Variants in SFMBT2 observed in about 807,000 individuals in gnomAD.
SFMBT2 encodes Scm like with four mbt domains 2.
In SFMBT2, 38 loss-of-function variants were observed where a neutral mutation model predicts 110.1. The ratio of observed to expected loss-of-function variants is 0.35; its 90% CI spans 0.27 to 0.45. The LOEUF is 0.45. Ranked by LOEUF, SFMBT2 falls within the 20% of genes least tolerant of loss-of-function variation. SFMBT2 has a pLI of 1.00. For synonymous variants in SFMBT2, 425 were observed against 425.4 expected, an observed-to-expected ratio of 1.00 and a Z score of 0.01; for missense variants, 1,011 against 1,094.9, an observed-to-expected ratio of 0.92 and a Z score of 1.08.
intron 1 of SFMBT2, among the ~76,000 whole-genome samples, chr10:7,397,788 T>G (rs1845967643): frequency 6.6e-6 from 1 of 152,240 alleles, no homozygotes; most frequent in Admixed American, 6.5e-5. Context: ...CCAAGCACTA[T>G]TATCAACGCG....
intron 1 of SFMBT2, among the ~76,000 whole-genome samples, chr10:7,387,315 C>T (rs1845635096): frequency 6.6e-6 from 1 of 152,088 alleles, no homozygotes; most frequent in Non-Finnish European, 1.5e-5. Flanking sequence ...GTGCTGATAC[C>T]ATGCAGTTTT....
At chr10:7,385,799 A>G (rs1006741758) in intron 1 of SFMBT2, among the ~76,000 whole-genome samples, 1 of 152,082 alleles carries the variant, frequency 6.6e-6, no homozygotes, top group African/African-American at 2.4e-5. Flanking sequence ...GGAGATCAAG[A>G]CCATCCTGGC....
At chr10:7,193,182 G>A (rs112152450) in intron 15 of SFMBT2, among the ~76,000 whole-genome samples, 77 of 152,098 alleles carry the variant, frequency 5.1e-4, no homozygotes, top group Non-Finnish European at 9.7e-4. Context: ...CTGCCAAAAA[G>A]CAGCACACAG....
At chr10:7,348,845 T>A (rs1052273561) in intron 4 of SFMBT2, among the ~76,000 whole-genome samples, 2 of 152,246 alleles carry the variant, frequency 1.3e-5, no homozygotes, top group African/African-American at 4.8e-5. Flanking sequence ...TTTCCGTGAA[T>A]GGCAGGGAAC....
At chr10:7,332,359 G>A (rs942511314) in intron 4 of SFMBT2, among the ~76,000 whole-genome samples, 1 of 152,264 alleles carries the variant, frequency 6.6e-6, no homozygotes, top group South Asian at 2.1e-4. Context: ...CTCACCCAAG[G>A]CTTGACATAA....
chr10:7,359,868 C>T (rs1473501676), intron 4 of SFMBT2, among the ~76,000 whole-genome samples: 1 of 152,192 alleles, frequency 6.6e-6, no homozygotes, highest in Non-Finnish European at 1.5e-5. Flanking sequence ...ATGATATAAT[C>T]TAATCAATAA....
intron 4 of SFMBT2, among the ~76,000 whole-genome samples, chr10:7,288,271 C>A (rs568378678): frequency 6.6e-6 from 1 of 152,322 alleles, no homozygotes; most frequent in African/African-American, 2.4e-5. Context: ...ATGCACGGAA[C>A]TCAGGCAAAC....
chr10:7,213,469 G>A (rs922353517), intron 11 of SFMBT2, among the ~76,000 whole-genome samples: 2 of 152,050 alleles, frequency 1.3e-5, no homozygotes, highest in African/African-American at 2.4e-5. Flanking sequence ...GGTTGTGGGG[G>A]TGGTGGTGGG....
At chr10:7,406,465 T>TA (rs76194396) in intron 1 of SFMBT2, among the ~76,000 whole-genome samples, 2,923 of 120,058 alleles carry the variant, frequency 0.024, 41 homozygotes, top group Non-Finnish European at 0.034. Context: ...GGGCAGTGGT[T>TA]AAAAAAAAAA....
At position 7,377,370 on chromosome 10, in the gene SFMBT2, T is replaced by C. The variant is rs1845267314; in HGVS notation, c.100+4429A>G. On this transcript the variant is annotated intron_variant, in intron 2 of 20. Coordinates refer to ENST00000397167, the MANE Select transcript of SFMBT2 (RefSeq NM_001387889.1). ...GGAAGACAATTAGGCACCGGTTTTG[T>C]AGAAGACAATTTTTCCACAGATACA... 2.6e-5 allele frequency among the ~76,000 whole-genome samples: 4 copies of C among 152,312 alleles called. No individual in the cohort carries two copies. The South Asian group carries it at 6.2e-4, about 24-fold the overall frequency.
intron 7 of SFMBT2, among the ~76,000 whole-genome samples, chr10:7,262,957 G>A (rs569982235): frequency 6.6e-6 from 1 of 152,218 alleles, no homozygotes; most frequent in South Asian, 2.1e-4. Flanking sequence ...GGTATTCAAC[G>A]AACTGGACTT....
chr10:7,394,976 G>A (rs1845882419), intron 1 of SFMBT2, among the ~76,000 whole-genome samples: 1 of 152,122 alleles, frequency 6.6e-6, no homozygotes, highest in Admixed American at 6.6e-5. Context: ...CTGGATGGGT[G>A]GTGTGTCTTT....
chr10:7,349,870 C>A (rs1479747326), intron 4 of SFMBT2, among the ~76,000 whole-genome samples: 2 of 152,100 alleles, frequency 1.3e-5, no homozygotes, highest in Admixed American at 1.3e-4. Flanking sequence ...ATTTCAAGGA[C>A]AGTATTTGAT....
At chr10:7,387,798 A>G (rs563033720) in intron 1 of SFMBT2, among the ~76,000 whole-genome samples, 273 of 151,096 alleles carry the variant, frequency 1.8e-3, no homozygotes, top group African/African-American at 6.5e-3. Context: ...AAAAAAACCA[A>G]TTAGCTGGGT....
chr10:7,293,269 T>C lies in SFMBT2; in HGVS notation c.437-7315A>G, dbSNP rs952975058. 2.6e-5 allele frequency among the ~76,000 whole-genome samples: 4 copies of C among 152,064 alleles called. No homozygotes were observed. Among genetic ancestry groups the C allele is most frequent in the African/African-American group, 9.7e-5 (4 of 41,394 alleles). ...ACGCCCTACCACATCCAGCTAATTT[T>C]TGTATTTTTAGAAGACACCGGGTTT... On this transcript the variant is annotated intron_variant, in intron 4 of 20. Coordinates refer to ENST00000397167, the MANE Select transcript of SFMBT2 (RefSeq NM_001387889.1). The surrounding 1 kb of genome is among the most constrained non-coding windows in gnomAD (Gnocchi z 4.6).
At chr10:7,349,965 G>A (rs1321297910) in intron 4 of SFMBT2, among the ~76,000 whole-genome samples, 1 of 152,110 alleles carries the variant, frequency 6.6e-6, no homozygotes, top group Non-Finnish European at 1.5e-5. Context: ...ATAAGGCTAC[G>A]TCAGCACCTC....
chr10:7,164,432 G>A, intron 20 of SFMBT2: 2 of 985,068 alleles, frequency 2.0e-6, no homozygotes, highest in Non-Finnish European at 2.4e-6. Context: ...TTTTGGCTAA[G>A]GGCACTCTGG....
At chr10:7,407,720 G>A (rs1281296977) in intron 1 of SFMBT2, among the ~76,000 whole-genome samples, 3 of 152,242 alleles carry the variant, frequency 2.0e-5, no homozygotes, top group African/African-American at 7.2e-5. Context: ...GAAACTGCGA[G>A]CTGGTCTCCA....
rs1845441060 is a variant in SFMBT2 at position 7,382,048 on chromosome 10, C to T, written c.-51-99G>A. 5 of 556,896 alleles carry T rather than the reference C, an allele frequency of 9.0e-6. No individual in the cohort carries two copies. In the East Asian group the frequency reaches 1.6e-4, roughly 17 times the overall value. The allele number at this position is 556,896 out of a possible 1,614,324, so 34.5% of individuals were successfully genotyped here. ...TTTAAAAAAAACCTTATTAGTGCCA[C>T]TACCATTTCATTATAACTTTCAAGA... On this transcript the variant is annotated intron_variant, in intron 1 of 20. Transcript: ENST00000397167.
Sources: gnomAD v4.1 joint callset for allele counts (sites outside exome capture counted in the v4.1 genomes callset) on GRCh38, gnomAD v4.1.1 for gene constraint, Gnocchi (gnomAD v3.1) non-coding constraint, MANE v1.5 for transcripts, NCBI Gene and HGNC (gene_info 2026-07-23, HGNC 2026-07-21) for gene names.